The following SIDT1 variants were observed in gnomAD, a reference collection of about 807,000 sequenced individuals.
The protein encoded by SIDT1 is SID1 transmembrane family, member 1.
SIDT1 carries 101 observed loss-of-function variants against 107.5 expected under a neutral mutation model. The observed-to-expected ratio is 0.94, with a 90% CI of 0.80 to 1.11. The LOEUF (loss-of-function observed/expected upper bound fraction) is 1.11. Among genes scored for constraint, SIDT1 ranks in the 50% least tolerant of loss-of-function variants. The pLI, the probability that SIDT1 is intolerant of heterozygous loss-of-function variation, is 0.00. For missense variants in SIDT1, 1,076 were observed against 1,058.2 expected (o/e 1.02, Z -0.23); for synonymous variants, 395 against 398.2 (o/e 0.99, Z 0.10).
chr3:113,597,928 G>C (rs893059392), intron 10 of SIDT1, among the ~76,000 whole-genome samples: 3 of 152,130 alleles, frequency 2.0e-5, no homozygotes, highest in African/African-American at 7.2e-5. Context: ...TGCCTTCCCA[G>C]ACCATACTTG....
At chr3:113,596,190 C>T (rs999819593) in intron 10 of SIDT1, among the ~76,000 whole-genome samples, 1 of 152,188 alleles carries the variant, frequency 6.6e-6, no homozygotes, top group African/African-American at 2.4e-5. Flanking sequence ...CTGCCCACAT[C>T]ATTGTGGAGC....
chr3:113,595,804 G>C (rs1944505938), intron 10 of SIDT1, among the ~76,000 whole-genome samples: 1 of 152,102 alleles, frequency 6.6e-6, no homozygotes, highest in African/African-American at 2.4e-5. Flanking sequence ...GGGAATGATG[G>C]CATCACCCCC....
intron 1 of SIDT1, among the ~76,000 whole-genome samples, chr3:113,552,401 G>C (rs1332928542): frequency 6.6e-6 from 1 of 152,138 alleles, no homozygotes; most frequent in Admixed American, 6.5e-5. Flanking sequence ...ATGGCTGTGA[G>C]GTGTGAGTGA....
At chr3:113,619,856 G>T (rs1486844413) in intron 21 of SIDT1, 130 bp downstream of exon 21, 8 of 817,004 alleles carry the variant, frequency 9.8e-6, no homozygotes, top group African/African-American at 1.7e-5. Flanking sequence ...TTGTTCTAGA[G>T]ACTCAAAAAA....
intron 10 of SIDT1, among the ~76,000 whole-genome samples, chr3:113,595,905 T>A (rs1157100936): frequency 3.9e-5 from 6 of 152,180 alleles, no homozygotes; most frequent in Non-Finnish European, 8.8e-5. Flanking sequence ...GTGACTTTTT[T>A]AGGCATCTCA....
At chr3:113,569,897 C>T (rs1044007371) in intron 3 of SIDT1, among the ~76,000 whole-genome samples, 7 of 151,998 alleles carry the variant, frequency 4.6e-5, no homozygotes, top group South Asian at 2.1e-4. Flanking sequence ...AAATATGGTG[C>T]TTCAGTTTAA....
chr3:113,532,834 G>A lies in SIDT1; in HGVS notation c.-188G>A. 2 of 411,336 alleles carry A rather than the reference G, an allele frequency of 4.9e-6. No homozygotes were observed. Among genetic ancestry groups the A allele is most frequent in the East Asian group, 3.7e-5 (1 of 26,728 alleles). The allele number at this position is 411,336 out of a possible 1,614,324, so 25.5% of individuals were successfully genotyped here. On this transcript the variant is annotated 5_prime_UTR_variant, in exon 1 of 25. Coordinates refer to ENST00000264852, the MANE Select transcript of SIDT1 (RefSeq NM_017699.3). The stretch of plus-strand genomic sequence containing the variant: ...GTGACCTCCAGTGGAGACCCCAGGC[G>A]GCAGCATCAGTATTTGATCGGCCCT...
chr3:113,619,556 G>C (rs547706747), intron 20 of SIDT1, 124 bp from the exon 21 acceptor site: 1 of 827,106 alleles, frequency 1.2e-6, no homozygotes, highest in Admixed American at 2.1e-5. Flanking sequence ...GGCACTCTTA[G>C]AACCACAGAA....
At chr3:113,624,132 A>G (rs1265900488) in intron 23 of SIDT1, among the ~76,000 whole-genome samples, 6 of 152,244 alleles carry the variant, frequency 3.9e-5, no homozygotes, top group African/African-American at 1.4e-4. Flanking sequence ...CTAGGAAATT[A>G]GTGGTATATC....
At chr3:113,583,242 T>C (rs1467439436) in intron 6 of SIDT1, among the ~76,000 whole-genome samples, 167 bp from the exon 7 acceptor site, 1 of 152,180 alleles carries the variant, frequency 6.6e-6, no homozygotes, top group African/African-American at 2.4e-5. Context: ...GAGTGGATAA[T>C]CTGGAGTAAA....
chr3:113,583,368 C>T (rs1943506425), intron 6 of SIDT1, 41 bp from the exon 7 acceptor site: 1 of 1,503,914 alleles, frequency 6.6e-7, no homozygotes, highest in Non-Finnish European at 9.2e-7. Flanking sequence ...CCTTCTACCT[C>T]TTTCTTACCG....
intron 9 of SIDT1, among the ~76,000 whole-genome samples, chr3:113,587,114 T>C (rs1030634985): frequency 6.6e-6 from 1 of 152,204 alleles, no homozygotes; most frequent in Non-Finnish European, 1.5e-5. Context: ...TTTTGAAATA[T>C]TTAGGAATAA....
intron 10 of SIDT1, among the ~76,000 whole-genome samples, chr3:113,597,225 G>A (rs1484355423): frequency 3.3e-5 from 5 of 152,062 alleles, no homozygotes; most frequent in Non-Finnish European, 5.9e-5. Flanking sequence ...GGCTGGGCAC[G>A]ATGGCTCACA....
At chr3:113,630,361 C>T (rs1161655211), downstream of SIDT1, among the ~76,000 whole-genome samples, 2 of 152,220 alleles carry the variant, frequency 1.3e-5, no homozygotes, top group Non-Finnish European at 2.9e-5. Context: ...CTGAGGGATT[C>T]GCCCGGTTTT....
At chr3:113,620,177 T>C (rs1396322890) in intron 21 of SIDT1, among the ~76,000 whole-genome samples, 1 of 150,520 alleles carries the variant, frequency 6.6e-6, no homozygotes, top group Non-Finnish European at 1.5e-5. Flanking sequence ...TCTGTAGAAA[T>C]TTTTCTTTTA....
intron 1 of SIDT1, among the ~76,000 whole-genome samples, chr3:113,554,515 T>TC (rs1323302445): frequency 6.6e-6 from 1 of 152,114 alleles, no homozygotes; most frequent in African/African-American, 2.4e-5. Flanking sequence ...AAAGAGCAGT[T>TC]CCCCTGTACA....
intron 6 of SIDT1, among the ~76,000 whole-genome samples, chr3:113,582,042 G>C (rs1339015047): frequency 1.3e-5 from 2 of 152,180 alleles, no homozygotes; most frequent in African/African-American, 2.4e-5. Flanking sequence ...TTAGGGTGAA[G>C]TTTGTCAGAT....
chr3:113,584,412 TC>T (rs1396131862), intron 7 of SIDT1, among the ~76,000 whole-genome samples: 1 of 152,188 alleles, frequency 6.6e-6, no homozygotes, highest in African/African-American at 2.4e-5. Context: ...CCACCCCTCT[TC>T]ATTGGAGAAG....
intron 1 of SIDT1, among the ~76,000 whole-genome samples, chr3:113,566,185 A>G (rs1296686413): frequency 6.6e-6 from 1 of 152,178 alleles, no homozygotes; most frequent in East Asian, 1.9e-4. Context: ...CGCAATTTCA[A>G]TGTGCAATCA....
Sources: allele counts gnomAD v4.1 joint callset (sites outside exome capture counted in the v4.1 genomes callset), GRCh38; gene constraint gnomAD v4.1.1; transcripts MANE v1.5; gene names NCBI Gene and HGNC (gene_info 2026-07-23, HGNC 2026-07-21).